The following COL1A2 variants were observed in gnomAD, a reference collection of about 807,000 sequenced individuals.
The protein encoded by COL1A2 is collagen type I alpha 2 chain.
COL1A2 carries 49 observed loss-of-function variants against 174.3 expected under a neutral mutation model. The ratio of observed to expected loss-of-function variants is 0.28; its 90% confidence interval spans 0.22 to 0.36. The LOEUF is 0.36. COL1A2 is among the 10% of genes least tolerant of loss of function. The pLI, the probability that COL1A2 is intolerant of heterozygous loss-of-function variation, is 1.00. For missense variants in COL1A2, 1,438 were observed against 1,822.7 expected, an observed-to-expected ratio of 0.79 and a Z score of 3.84; for synonymous variants, 655 against 606.6, an observed-to-expected ratio of 1.08 and a Z score of -1.17.
intron 33 of COL1A2, among the ~76,000 whole-genome samples, chr7:94,419,044 C>A (rs183506358): frequency 2.0e-4 from 30 of 148,022 alleles, no homozygotes; most frequent in East Asian, 1.8e-3. Context: ...AGTCTAATTA[C>A]CTTATCTCGT....
At chr7:94,430,163 G>C (rs1792368698) in intron 51 of COL1A2, 84 bp from the exon 52 acceptor site, 1 of 1,342,440 alleles carries the variant, frequency 7.4e-7, no homozygotes, top group African/African-American at 1.4e-5. Flanking sequence ...GCCAAACAGT[G>C]GTTCTTATTA....
At chr7:94,412,169 C>A (rs755254331) in intron 24 of COL1A2, 48 bp downstream of exon 24, 9 of 1,502,662 alleles carry the variant, frequency 6.0e-6, no homozygotes, top group East Asian at 2.3e-5. Context: ...ACTTATTGCA[C>A]CCTTATCAAG....
At chr7:94,425,301 T>A in intron 42 of COL1A2, 77 bp downstream of exon 42, 1 of 1,335,520 alleles carries the variant, frequency 7.5e-7, no homozygotes, top group Non-Finnish European at 1.1e-6. Flanking sequence ...TGAGCTGAGG[T>A]TCTCTTCTTC....
At chr7:94,403,890 C>A (rs1322972362) in intron 6 of COL1A2, among the ~76,000 whole-genome samples, 1 of 152,088 alleles carries the variant, frequency 6.6e-6, no homozygotes, top group African/African-American at 2.4e-5. Context: ...ATGGAAACAA[C>A]AAAGGGGAAA....
intron 23 of COL1A2, 94 bp from the exon 24 acceptor site, chr7:94,411,974 G>A (rs1791937636): frequency 9.9e-7 from 1 of 1,014,248 alleles, no homozygotes; most frequent in Non-Finnish European, 1.5e-6. Flanking sequence ...CAAAAAGTCG[G>A]GGGAAAAGGT....
intron 4 of COL1A2, among the ~76,000 whole-genome samples, chr7:94,399,702 T>C (rs1012171449): frequency 6.6e-6 from 1 of 152,228 alleles, no homozygotes; most frequent in Non-Finnish European, 1.5e-5. Context: ...CAGTTAATTA[T>C]TTTAACAATA....
chr7:94,409,640 C>T, intron 18 of COL1A2, 32 bp downstream of exon 18: 1 of 1,614,004 alleles, frequency 6.2e-7, no homozygotes, highest in African/African-American at 1.3e-5. Context: ...AAATGTGCTG[C>T]TATGATTTTA....
rs757839011 is a variant in COL1A2, at chr7:94,412,622, C to G, written c.1443C>G (p.Gly481=). Residue 481 remains glycine, a synonymous_variant, in exon 25 of 52, where the codon GGC becomes GGG. Coordinates refer to ENST00000297268, the MANE Select transcript of COL1A2 (RefSeq NM_000089.4). Reference sequence around the variant, plus strand: ...TCGACGGCAGGCCTGGCCCAATTGGCCCAGCTGGAGCAAGAGGAGAGCCTG... The same window carrying G: ...TCGACGGCAGGCCTGGCCCAATTGGGCCAGCTGGAGCAAGAGGAGAGCCTG... ...PGIDGRPGPI[G]PAGARGEPGN... is the part of the protein sequence containing the mutation. The G allele has an allele frequency of 1.9e-6, 3 of 1,614,068 alleles. No individual in the cohort carries two copies. The highest frequency in any genetic ancestry group is 2.5e-6 in the Non-Finnish European group (3 of 1,179,998).
chr7:94,427,952 T>C, intron 49 of COL1A2, 67 bp downstream of exon 49: 2 of 1,544,854 alleles, frequency 1.3e-6, no homozygotes, highest in East Asian at 2.3e-5. Context: ...TTAGTTTCCA[T>C]TGACATTTAG....
rs1339162338 is a variant in COL1A2 at position 94,419,502 on chromosome 7, C to T, written c.2030C>T (p.Ala677Val). Reference protein sequence around the residue: ...GNPGRDGARGAPGAVGAPGPA... With the variant: ...GNPGRDGARGVPGAVGAPGPA... ...ATGTTTCCTTTTTGGTACTAGGGTG[C>T]TCCTGGTGCTGTAGGTGCCCCTGGT... The change falls in exon 34 of 52, where the codon GCT (alanine) becomes GTT (valine). Residue 677 changes from alanine to valine, a missense_variant. Physicochemically the swap from Ala to Val is moderately conservative, Grantham distance 64. Coordinates refer to ENST00000297268, the MANE Select transcript of COL1A2 (RefSeq NM_000089.4). 2 of 1,613,964 alleles carry T rather than the reference C, an allele frequency of 1.2e-6. No homozygotes were observed. Among genetic ancestry groups the T allele is most frequent in the Admixed American group, 1.7e-5 (1 of 59,988 alleles).
At chr7:94,399,856 A>G (rs1791652285) in intron 4 of COL1A2, among the ~76,000 whole-genome samples, 1 of 152,194 alleles carries the variant, frequency 6.6e-6, no homozygotes, top group African/African-American at 2.4e-5. Flanking sequence ...CGGCAATAAA[A>G]ATACGATGTA....
chr7:94,401,624 T>G lies in COL1A2; in HGVS notation c.279+4T>G. 1 of 1,587,260 alleles carries G rather than the reference T, an allele frequency of 6.3e-7. No homozygotes were observed. Among genetic ancestry groups the G allele is most frequent in the Non-Finnish European group, 8.6e-7 (1 of 1,163,882 alleles). The stretch of plus-strand genomic sequence containing the variant: ...TGGACTTGGCCCTGGACCAATGGTA[T>G]GCTTATCTGTTTATCTTAGCCAAAA... On this transcript the variant is annotated splice_donor_region_variant and intron_variant, in intron 6 of 51. Transcript: ENST00000297268.
At chr7:94,412,791 C>T (rs944658549) in intron 25 of COL1A2, 109 bp downstream of exon 25, 3 of 977,232 alleles carry the variant, frequency 3.1e-6, no homozygotes, top group Non-Finnish European at 3.2e-6. Flanking sequence ...AGTTTCCTTT[C>T]AACACAGGAA....
At position 94,420,385 on chromosome 7, in the gene COL1A2, A is replaced by G. The variant is rs1363307470; in HGVS notation, c.2134-6A>G. On this transcript the variant is annotated splice_polypyrimidine_tract_variant and splice_region_variant and intron_variant, in intron 35 of 51. Coordinates refer to ENST00000297268, the MANE Select transcript of COL1A2 (RefSeq NM_000089.4). ...AACACATTTTTAAATCCCTTCTCCCACCTAGGGTGAACGTGGTGAGGTCGG... is the reference window on the plus strand; with the variant it reads ...AACACATTTTTAAATCCCTTCTCCCGCCTAGGGTGAACGTGGTGAGGTCGG... The G allele has an allele frequency of 5.0e-6, 8 of 1,613,940 alleles. No individual in the cohort carries two copies. The highest frequency in any genetic ancestry group is 1.1e-5 in the South Asian group (1 of 91,060).
intron 34 of COL1A2, 51 bp from the exon 35 acceptor site, chr7:94,420,182 T>G: frequency 6.8e-6 from 11 of 1,610,408 alleles, no homozygotes; most frequent in Non-Finnish European, 9.3e-6. Flanking sequence ...CCCAGTTCTT[T>G]GAGCATCTAT....
intron 33 of COL1A2, 133 bp downstream of exon 33, chr7:94,418,685 TG>T: frequency 1.4e-6 from 1 of 721,328 alleles, no homozygotes; most frequent in South Asian, 1.8e-5. Context: ...CTTTCTCTCC[TG>T]GGTCTATGAC....
At position 94,430,425 on chromosome 7, in the gene COL1A2, ATTTG is replaced by A; in HGVS notation, c.*33_*36del. ...TCAATCTAAATTAAAAAAGAAAGAA[ATTTG>A]AAAAAACTTTCTCTTTGCCATTTCT... is the stretch of plus-strand genomic sequence containing the variant. On this transcript the variant is annotated 3_prime_UTR_variant, in exon 52 of 52. Coordinates refer to ENST00000297268, the MANE Select transcript of COL1A2 (RefSeq NM_000089.4). The A allele has an allele frequency of 6.2e-7, 1 of 1,606,322 alleles. No individual in the cohort carries two copies. Among genetic ancestry groups the A allele is most frequent in the Non-Finnish European group, 8.5e-7 (1 of 1,176,772 alleles).
rs1792271084 is a variant in COL1A2, at chr7:94,426,048, T to C, written c.2994T>C (p.Pro998=). ...CTGGTGCTGTTGGCCCAAGAGGTCCTAGTGTATGTACATGCTGAAGATTTC... is the reference window on the plus strand; with the variant it reads ...CTGGTGCTGTTGGCCCAAGAGGTCCCAGTGTATGTACATGCTGAAGATTTC... ...GPAGAVGPRG[P]SGPQGIRGDK... Residue 998 remains proline (P), a synonymous_variant, in exon 45 of 52, where the codon CCT becomes CCC. Transcript: ENST00000297268. The C allele has an allele frequency of 6.2e-7, 1 of 1,613,528 alleles. No individual in the cohort carries two copies.
chr7:94,412,551 CA>C (rs768625002), intron 24 of COL1A2, 32 bp from the exon 25 acceptor site: 1 of 1,550,556 alleles, frequency 6.4e-7, no homozygotes, highest in South Asian at 1.1e-5. Flanking sequence ...AATATGTTGA[CA>C]CTGAGTAAAC....
Sources: allele counts gnomAD v4.1 joint callset (sites outside exome capture counted in the v4.1 genomes callset), GRCh38; gene constraint gnomAD v4.1.1; transcripts MANE v1.5; gene names NCBI Gene and HGNC (gene_info 2026-07-23, HGNC 2026-07-21).